Variants in CELSR2 observed in about 807,000 individuals in gnomAD.
The protein encoded by CELSR2 is EGF-like protein 2.
CELSR2 carries 81 observed loss-of-function variants against 251.6 expected under a neutral mutation model. That is an observed-to-expected ratio of 0.32 (90% CI 0.27 to 0.39). CELSR2 has a LOEUF of 0.39. Among genes scored for constraint, CELSR2 ranks in the 10% least tolerant of loss-of-function variants. The pLI is 1.00. For synonymous variants in CELSR2, 1,721 were observed against 1,670.5 expected (o/e 1.03, Z -0.74); for missense variants, 3,365 against 3,947.7 (o/e 0.85, Z 3.96).
intron 1 of CELSR2, among the ~76,000 whole-genome samples, chr1:109,255,332 G>A (rs143238579): frequency 0.014 from 2,124 of 152,240 alleles, 20 homozygotes; most frequent in Middle Eastern, 0.034. Flanking sequence ...GCGGCTCTCC[G>A]GCTCTCCCAC....
At chr1:109,263,338 C>T (rs1656079368) in intron 8 of CELSR2, 71 bp downstream of exon 8, 1 of 1,522,666 alleles carries the variant, frequency 6.6e-7, no homozygotes, top group East Asian at 2.3e-5. Flanking sequence ...AGGGTTGGGG[C>T]AGGCACTGGG....
Position 109,253,322 on chromosome 1 carries a change from G to A in CELSR2, c.3243G>A (p.Glu1081=). 6.2e-7 allele frequency: 1 copy of A among 1,613,474 alleles called. No individual in the cohort carries two copies. Among genetic ancestry groups the A allele is most frequent in the Non-Finnish European group, 8.5e-7 (1 of 1,180,044 alleles). The change falls in exon 1 of 34, where the codon GAG becomes GAA. Residue 1081 remains glutamate, a synonymous_variant. Transcript: ENST00000271332. The stretch of plus-strand genomic sequence containing the variant: ...TCCTGCTCAATGCCTCCACGGGTGA[G>A]CTGAAGCTAAGCCGCGCACTGGACA... ...SLVLLNASTG[E]LKLSRALDNN... is the part of the protein sequence containing the mutation.
In CELSR2 at chr1:109,261,580, G is replaced by T. The variant is rs763711461; in HGVS notation, c.4249G>T (p.Val1417Leu). Residue 1417 changes from valine to leucine, a missense_variant, in exon 4 of 34, where the codon GTG becomes TTG. Transcript: ENST00000271332. This position sits in a 1 kb window ranked among gnomAD's most constrained non-coding sequence, Gnocchi z 4.8. ...GCGTTTCAATGAGAAGCATGACTTT[G>T]TGGCCCTCGAGGTGATCCAGGAGCA... ...NGRFNEKHDF[V>L]ALEVIQEQVQ... 13 of 1,614,190 alleles carry T rather than the reference G, an allele frequency of 8.1e-6. No homozygotes were observed. Among genetic ancestry groups the T allele is most frequent in the Non-Finnish European group, 1.1e-5 (13 of 1,180,026 alleles).
At chr1:109,271,974 G>C (rs185077337) in intron 28 of CELSR2, among the ~76,000 whole-genome samples, 59 of 152,292 alleles carry the variant, frequency 3.9e-4, no homozygotes, top group African/African-American at 1.2e-3. Flanking sequence ...AATCTCTCAT[G>C]AATTTTAGTA....
chr1:109,268,793 G>A, intron 18 of CELSR2, 29 bp downstream of exon 18: 1 of 1,585,776 alleles, frequency 6.3e-7, no homozygotes, highest in Non-Finnish European at 8.6e-7. Context: ...TTGGGGAGGG[G>A]TTTGTGGAGG....
chr1:109,262,576 G>A, intron 6 of CELSR2, 132 bp downstream of exon 6: 2 of 1,381,060 alleles, frequency 1.4e-6, no homozygotes, highest in Admixed American at 2.4e-5. Context: ...CCTGGGGATG[G>A]GGTCAAGACT....
In CELSR2 at chr1:109,258,685, C is replaced by G. The variant is rs1655931433; in HGVS notation, c.3564C>G (p.Gly1188=). 6.5e-7 allele frequency: 1 copy of G among 1,548,126 alleles called. No individual in the cohort carries two copies. The highest frequency in any genetic ancestry group is 8.7e-7 in the Non-Finnish European group (1 of 1,145,264). Residue 1188 remains glycine (G), a synonymous_variant, in exon 2 of 34, where the codon GGC becomes GGG. Transcript: ENST00000271332. The stretch of plus-strand genomic sequence containing the variant: ...TCCTCAACGTGAGCCTGTCGGTGGG[C>G]CAGCCGCCAGGGCCCGGGGGCGGGC... ...GHILNVSLSV[G]QPPGPGGGPP...
chr1:109,256,959 C>A (rs896947705), intron 1 of CELSR2, among the ~76,000 whole-genome samples: 1 of 152,184 alleles, frequency 6.6e-6, no homozygotes, highest in Non-Finnish European at 1.5e-5. Flanking sequence ...CGCCCGGCCC[C>A]CTGCTATGTT....
In CELSR2 at chr1:109,251,461, C is replaced by G. The variant is rs1287266339; in HGVS notation, c.1382C>G (p.Pro461Arg). The G allele has an allele frequency of 6.2e-7, 1 of 1,613,650 alleles. No individual in the cohort carries two copies. Among genetic ancestry groups the G allele is most frequent in the Non-Finnish European group, 8.5e-7 (1 of 1,180,022 alleles). The stretch of plus-strand genomic sequence containing the variant: ...ACTGGAGCTCTGGATGTGGTGAGCC[C>G]TCTTGACTATGAGACGACCAAGGAG... Reference protein sequence around the residue: ...AQTGALDVVSPLDYETTKEYT... With the variant: ...AQTGALDVVSRLDYETTKEYT... The change falls in exon 1 of 34, where the codon CCT (proline) becomes CGT (arginine). Residue 461 changes from proline (P) to arginine (R), a missense_variant. This residue lies in a region of CELSR2 where 704 missense variants were observed against 784.1 expected (regional missense o/e 0.90). Coordinates refer to ENST00000271332, the MANE Select transcript of CELSR2 (RefSeq NM_001408.3). This position sits in a 1 kb window ranked among gnomAD's most constrained non-coding sequence, Gnocchi z 4.9.
At chr1:109,263,872 G>C in intron 9 of CELSR2, 95 bp downstream of exon 9, 1 of 1,494,134 alleles carries the variant, frequency 6.7e-7, no homozygotes, top group Non-Finnish European at 8.9e-7. Context: ...GTCCTGGGCA[G>C]GGGTGGGGAC....
Position 109,264,139 on chromosome 1 carries a change from G to A in CELSR2, c.5063G>A (p.Arg1688His), listed in dbSNP as rs145733357. 43 of 1,606,252 alleles carry A rather than the reference G, an allele frequency of 2.7e-5. No homozygotes were observed. Among genetic ancestry groups the A allele is most frequent in the East Asian group, 1.3e-4 (6 of 44,640 alleles). The change falls in exon 10 of 34, where the codon CGT (arginine) becomes CAT (histidine). Residue 1688 changes from arginine (R) to histidine (H), a missense_variant. Arg to His is a conservative substitution (Grantham distance 29). Around this residue, in one of 5 missense-constraint regions of CELSR2, gnomAD observed 2,093 missense variants for 2,382.8 expected, o/e 0.88. Transcript: ENST00000271332. ...ACAGGGCTTCAGGCCTCCTCTCTCC[G>A]TCTGGAGCCAGGCCGGGCCAATGAC... ...EGTGLQASSL[R>H]LEPGRANDGD... is the part of the protein sequence containing the mutation.
intron 28 of CELSR2, 55 bp downstream of exon 28, chr1:109,271,777 C>A: frequency 1.3e-6 from 2 of 1,592,862 alleles, no homozygotes; most frequent in Non-Finnish European, 1.7e-6. Flanking sequence ...GGCAGGAGGC[C>A]CAGTGAGCCT....
At chr1:109,257,884 C>G (rs1303000453) in intron 1 of CELSR2, among the ~76,000 whole-genome samples, 1 of 152,168 alleles carries the variant, frequency 6.6e-6, no homozygotes, top group East Asian at 1.9e-4. Flanking sequence ...ATGGGGATAG[C>G]AGGTCTGCGC....
rs549652441 is a variant in CELSR2, at chr1:109,263,161, C to T, written c.4728C>T (p.Asn1576=). 8.4e-5 allele frequency: 134 copies of T among 1,598,468 alleles called. No individual in the cohort carries two copies. The South Asian group carries it at 1.3e-3, about 15-fold the overall frequency. The change falls in exon 8 of 34, where the codon AAC becomes AAT. Residue 1576 remains asparagine, a synonymous_variant. Coordinates refer to ENST00000271332, the MANE Select transcript of CELSR2 (RefSeq NM_001408.3). ...TTCCAGGCTGCCCTGCCAAGAAGAA[C>T]GTGTGTGACAGCAACACTTGCCACA... The part of the protein sequence containing the change: ...GTVPGCPAKK[N]VCDSNTCHNG...
In CELSR2 at chr1:109,268,917, T is replaced by C; in HGVS notation, c.6540T>C (p.Ala2180=). 1 of 1,612,910 alleles carries C rather than the reference T, an allele frequency of 6.2e-7. No homozygotes were observed. Among genetic ancestry groups the C allele is most frequent in the Non-Finnish European group, 8.5e-7 (1 of 1,179,158 alleles). The change falls in exon 19 of 34, where the codon GCT becomes GCC. Residue 2180 remains alanine, a synonymous_variant. Coordinates refer to ENST00000271332, the MANE Select transcript of CELSR2 (RefSeq NM_001408.3). The part of the protein sequence containing the change: ...SVVRLDKGNF[A]GAKLPRYEAL... ...TGCGCTTGGACAAAGGGAACTTTGC[T>C]GGGGCCAAGCTGCCCCGCTACGAGG...
chr1:109,253,566 G>A (rs1159617122), intron 1 of CELSR2, among the ~76,000 whole-genome samples, 177 bp downstream of exon 1: 2 of 152,272 alleles, frequency 1.3e-5, no homozygotes, highest in African/African-American at 4.8e-5. Flanking sequence ...GAACCCTGGC[G>A]GCTGGTGCAG....
At position 109,270,079 on chromosome 1, in the gene CELSR2, C is replaced by T; in HGVS notation, c.7254C>T (p.Ala2418=). The T allele has an allele frequency of 5.0e-6, 8 of 1,614,166 alleles. No individual in the cohort carries two copies. Among genetic ancestry groups the T allele is most frequent in the Non-Finnish European group, 6.8e-6 (8 of 1,180,016 alleles). The change falls in exon 23 of 34, where the codon GCC becomes GCT. Residue 2418 remains alanine (A), a synonymous_variant. Coordinates refer to ENST00000271332, the MANE Select transcript of CELSR2 (RefSeq NM_001408.3). ...QHGIRRNLTA[A]LGLAQLVFLL... is the part of the protein sequence containing the mutation. ...GCATCCGACGTAACCTGACAGCTGC[C>T]CTGGGCCTGGCTCAGCTGGTCTTCC...
Position 109,266,223 on chromosome 1 carries a change from C to T in CELSR2, c.6013+17C>T, listed in dbSNP as rs955503050. 1 of 1,613,304 alleles carries T rather than the reference C, an allele frequency of 6.2e-7. No homozygotes were observed. Among genetic ancestry groups the T allele is most frequent in the Non-Finnish European group, 8.5e-7 (1 of 1,179,720 alleles). On this transcript the variant is annotated intron_variant, in intron 15 of 33. Coordinates refer to ENST00000271332, the MANE Select transcript of CELSR2 (RefSeq NM_001408.3). Reference sequence around the variant, plus strand: ...GCTCCTTTGGTAGGTGTTGGAGGCCCCGATGTGATGTCGAGGACATGGCCT... The same window carrying T: ...GCTCCTTTGGTAGGTGTTGGAGGCCTCGATGTGATGTCGAGGACATGGCCT...
Position 109,261,918 on chromosome 1 carries a change from G to T in CELSR2, c.4386+22G>T, listed in dbSNP as rs1323828513. On this transcript the variant is annotated intron_variant, in intron 5 of 33. Coordinates refer to ENST00000271332, the MANE Select transcript of CELSR2 (RefSeq NM_001408.3). The surrounding 1 kb of genome is among the most constrained non-coding windows in gnomAD (Gnocchi z 4.8). The stretch of plus-strand genomic sequence containing the variant: ...TAAGGTGGGTGTGGAGGGCACAGAG[G>T]GTTGGGGGTTCTGTTCTTGCCTCAG... 2 of 1,557,338 alleles carry T rather than the reference G, an allele frequency of 1.3e-6. No individual in the cohort carries two copies. Among genetic ancestry groups the T allele is most frequent in the Admixed American group, 1.9e-5 (1 of 52,554 alleles).
Sources: allele counts gnomAD v4.1 joint callset (sites outside exome capture counted in the v4.1 genomes callset), GRCh38; gene constraint gnomAD v4.1.1; regional missense constraint gnomAD v4.1.1; non-coding constraint Gnocchi (gnomAD v3.1); transcripts MANE v1.5; gene names NCBI Gene and HGNC (gene_info 2026-07-23, HGNC 2026-07-21).